COBL: variants seen among roughly 807,000 people sequenced by gnomAD.
The protein encoded by COBL is protein cordon-bleu.
A neutral mutation model predicts 98.8 loss-of-function variants in COBL; 51 were observed. That is an observed-to-expected ratio of 0.52 (90% confidence interval 0.41 to 0.65). COBL has a LOEUF of 0.65. Among genes scored for constraint, COBL ranks in the 30% least tolerant of loss-of-function variants. The probability of loss-of-function intolerance (pLI) is 0.00; values close to 1 mark genes in which losing one functional copy is unlikely to be tolerated. For synonymous variants in COBL, 634 were observed against 651.7 expected (o/e 0.97, Z 0.41); for missense variants, 1,617 against 1,617.5 (o/e 1.00, Z 0.01).
At chr7:51,046,458 G>A (rs945533973) in intron 7 of COBL, among the ~76,000 whole-genome samples, 3 of 152,100 alleles carry the variant, frequency 2.0e-5, no homozygotes, top group East Asian at 3.9e-4. Flanking sequence ...CCTCCTTTCC[G>A]AGGTCTGCTC....
chr7:51,105,768 T>C (rs1398299218), intron 6 of COBL, among the ~76,000 whole-genome samples: 1 of 151,678 alleles, frequency 6.6e-6, no homozygotes, highest in Non-Finnish European at 1.5e-5. Context: ...ATCCACCCTC[T>C]GTCCTCCTGG....
rs145036251 is a variant in COBL, at chr7:51,241,519, C to T, written c.42-21575G>A. On this transcript the variant is annotated intron_variant, in intron 1 of 12. Coordinates refer to ENST00000265136, the MANE Select transcript of COBL (RefSeq NM_015198.5). The stretch of plus-strand genomic sequence containing the variant: ...GCTCCTCGGCCGTTCCCACGATCAC[C>T]GATTAACATTTTAGTGATGTAGCTC... Among the ~76,000 whole-genome samples, 19 of 152,192 alleles carry T rather than the reference C, an allele frequency of 1.2e-4. No individual in the cohort carries two copies. The East Asian group carries it at 3.5e-3, about 28-fold the overall frequency.
At chr7:51,167,855 T>C (rs1186647577) in intron 5 of COBL, among the ~76,000 whole-genome samples, 3 of 152,094 alleles carry the variant, frequency 2.0e-5, no homozygotes, top group Non-Finnish European at 4.4e-5. Flanking sequence ...GGTCTGGATA[T>C]TCATATGCAG....
chr7:51,110,574 AGGT>A (rs2128976400), intron 6 of COBL, among the ~76,000 whole-genome samples: 1 of 152,328 alleles, frequency 6.6e-6, no homozygotes, highest in Non-Finnish European at 1.5e-5. Flanking sequence ...ATCGGGGTAC[AGGT>A]GGTATTTGGT....
chr7:51,185,770 A>G (rs1377484683), intron 4 of COBL, among the ~76,000 whole-genome samples: 2 of 152,392 alleles, frequency 1.3e-5, no homozygotes, highest in East Asian at 1.9e-4. Context: ...TAACTTCTTG[A>G]CCTGCTAATA....
At chr7:51,045,336 G>A (rs951445560) in intron 7 of COBL, among the ~76,000 whole-genome samples, 7 of 152,336 alleles carry the variant, frequency 4.6e-5, no homozygotes, top group East Asian at 3.9e-4. Flanking sequence ...GAATGTGAAC[G>A]GCCCTGTGAC....
intron 8 of COBL, among the ~76,000 whole-genome samples, chr7:51,036,897 C>T (rs940160403): frequency 3.3e-5 from 5 of 152,076 alleles, no homozygotes; most frequent in African/African-American, 1.2e-4. Flanking sequence ...AAAAGGAACC[C>T]TAGAACTCAG....
At chr7:51,085,350 T>TC in intron 6 of COBL, 46 bp from the exon 7 acceptor site, 1 of 489,340 alleles carries the variant, frequency 2.0e-6, no homozygotes, top group Non-Finnish European at 2.7e-6. Context: ...ACTTTGTACC[T>TC]ATGAAGTACA....
chr7:51,259,745 AATACCCAGATCAC>A (rs1797550295), intron 1 of COBL: 2 of 745,082 alleles, frequency 2.7e-6, no homozygotes, highest in Non-Finnish European at 4.9e-6. Context: ...CAGATGTGGA[AATACCCAGATCAC>A]ATAAGTTTCC....
chr7:51,026,145 G>A (rs1787530139), intron 11 of COBL, among the ~76,000 whole-genome samples: 1 of 152,210 alleles, frequency 6.6e-6, no homozygotes, highest in Non-Finnish European at 1.5e-5. Context: ...TGGCTCCCAA[G>A]GATGTGCAAA....
intron 1 of COBL, among the ~76,000 whole-genome samples, chr7:51,275,492 G>A (rs61601454): frequency 0.014 from 2,186 of 152,140 alleles, 45 homozygotes; most frequent in African/African-American, 0.05. Context: ...CCAGCTCCAC[G>A]GCCACATGTG....
Position 51,029,244 on chromosome 7 carries a change from T to C in COBL, c.1852A>G (p.Ile618Val), listed in dbSNP as rs1298679730. The C allele has an allele frequency of 6.2e-7, 1 of 1,613,602 alleles. No individual in the cohort carries two copies. Among genetic ancestry groups the C allele is most frequent in the South Asian group, 1.1e-5 (1 of 90,998 alleles). ...GKGIRVALSN[I>V]SKDGNLMETA... ...TCCATTAGATTCCCATCTTTAGAGA[T>C]GTTAGATAAGGCCACACGGATTCCT... The change falls in exon 10 of 13, where the codon ATC (isoleucine) becomes GTC (valine). Residue 618 changes from isoleucine (I) to valine (V), a missense_variant. Physicochemically the swap from Ile to Val is conservative, Grantham distance 29. Transcript: ENST00000265136.
At chr7:51,290,795 C>T (rs1800825998) in intron 1 of COBL, among the ~76,000 whole-genome samples, 1 of 152,174 alleles carries the variant, frequency 6.6e-6, no homozygotes, top group African/African-American at 2.4e-5. Flanking sequence ...ACCATGCATA[C>T]TCCCCTCTCC....
intron 8 of COBL, among the ~76,000 whole-genome samples, chr7:51,037,152 TATAA>T (rs756404156): frequency 2.6e-5 from 4 of 152,202 alleles, no homozygotes; most frequent in African/African-American, 4.8e-5. Flanking sequence ...TCAAACATGT[TATAA>T]ATAAAGAGGA....
chr7:51,286,096 A>C (rs1800336333), intron 1 of COBL, among the ~76,000 whole-genome samples: 1 of 152,204 alleles, frequency 6.6e-6, no homozygotes, highest in South Asian at 2.1e-4. Context: ...CTTATACAAC[A>C]ATTAACTCAA....
chr7:51,107,878 A>C (rs1583819011), intron 6 of COBL, among the ~76,000 whole-genome samples: 1 of 152,206 alleles, frequency 6.6e-6, no homozygotes, highest in African/African-American at 2.4e-5. Context: ...AGCATCTGCC[A>C]CTTGCAGCAA....
intron 6 of COBL, among the ~76,000 whole-genome samples, chr7:51,096,546 T>C (rs932126488): frequency 6.6e-6 from 1 of 152,018 alleles, no homozygotes; most frequent in African/African-American, 2.4e-5. Flanking sequence ...AAAAGAACTT[T>C]GGTTAAAATA....
intron 6 of COBL, among the ~76,000 whole-genome samples, chr7:51,108,311 C>CTAA (rs1796497011): frequency 8.9e-6 from 1 of 112,868 alleles, no homozygotes; most frequent in Non-Finnish European, 1.9e-5. Flanking sequence ...GGCTCATCCG[C>CTAA]TGCTGTGTGG....
rs1340039974 is a variant in COBL at position 51,029,259 on chromosome 7, C to A, written c.1837G>T (p.Val613Leu). ...ASHDVGKGIR[V>L]ALSNISKDGN... ...TCTTTAGAGATGTTAGATAAGGCCACACGGATTCCTTTTCCGACGTCATGG... is the reference window on the plus strand; with the variant it reads ...TCTTTAGAGATGTTAGATAAGGCCAAACGGATTCCTTTTCCGACGTCATGG... The change falls in exon 10 of 13, where the codon GTG (valine) becomes TTG (leucine). Residue 613 changes from valine to leucine, a missense_variant. Physicochemically the swap from Val to Leu is conservative, Grantham distance 32. Around this residue, in one of 3 missense-constraint regions of COBL, gnomAD observed 1,304 missense variants for 1,282.0 expected, o/e 1.02. Transcript: ENST00000265136. The A allele has an allele frequency of 1.9e-6, 3 of 1,611,004 alleles. No homozygotes were observed. In the African/African-American group the frequency reaches 4.0e-5, roughly 22 times the overall value.
Sources: allele counts gnomAD v4.1 joint callset (sites outside exome capture counted in the v4.1 genomes callset), GRCh38; gene constraint gnomAD v4.1.1; regional missense constraint gnomAD v4.1.1; transcripts MANE v1.5; gene names NCBI Gene and HGNC (gene_info 2026-07-23, HGNC 2026-07-21).